Variants in CNTNAP2 observed in about 807,000 individuals in gnomAD.
The protein encoded by CNTNAP2 is contactin-associated protein-like 2.
Under a neutral mutation model 155.2 loss-of-function variants are expected in CNTNAP2, and 98 were observed. The ratio of observed to expected loss-of-function variants is 0.63; its 90% CI spans 0.54 to 0.75. CNTNAP2 has a LOEUF of 0.75. CNTNAP2 is among the 30% of genes least tolerant of loss of function. The probability of loss-of-function intolerance (pLI) is 0.00; values close to 1 mark genes in which losing one functional copy is unlikely to be tolerated. For missense variants in CNTNAP2, 1,727 were observed against 1,688.1 expected (o/e 1.02, Z -0.40); for synonymous variants, 651 against 631.2 (o/e 1.03, Z -0.47).
intron 15 of CNTNAP2, among the ~76,000 whole-genome samples, chr7:148,084,421 A>T (rs1563193927): frequency 6.6e-6 from 1 of 152,198 alleles, no homozygotes; most frequent in South Asian, 2.1e-4. Flanking sequence ...GCAGAATGTC[A>T]CAGGTCGGAA....
chr7:147,370,751 A>C (rs971323305), intron 9 of CNTNAP2, among the ~76,000 whole-genome samples: 1 of 152,178 alleles, frequency 6.6e-6, no homozygotes, highest in Non-Finnish European at 1.5e-5. Flanking sequence ...CCAATGTTCT[A>C]TTAGATGAGA....
intron 13 of CNTNAP2, among the ~76,000 whole-genome samples, chr7:147,734,678 T>C (rs1368329418): frequency 6.6e-6 from 1 of 152,180 alleles, no homozygotes; most frequent in Non-Finnish European, 1.5e-5. Flanking sequence ...CTATTAATTA[T>C]TGCCTCACTT....
At chr7:146,332,518 TTATC>T (rs1245914603) in intron 1 of CNTNAP2, among the ~76,000 whole-genome samples, 7 of 152,198 alleles carry the variant, frequency 4.6e-5, no homozygotes, top group Non-Finnish European at 1.0e-4. Flanking sequence ...TCTGATTTAT[TTATC>T]TAGTCAATCC....
intron 10 of CNTNAP2, among the ~76,000 whole-genome samples, chr7:147,483,648 G>A (rs1363096724): frequency 6.6e-6 from 1 of 152,044 alleles, no homozygotes; most frequent in Non-Finnish European, 1.5e-5. Context: ...ATATTAACCC[G>A]CAATAATTTA....
At chr7:147,587,590 G>A (rs935153264) in intron 12 of CNTNAP2, among the ~76,000 whole-genome samples, 3 of 152,160 alleles carry the variant, frequency 2.0e-5, no homozygotes. Context: ...CATGCTTATA[G>A]AGTTGGAAGT....
At chr7:147,818,772 TAAAA>T (rs772370551) in intron 13 of CNTNAP2, among the ~76,000 whole-genome samples, 41 of 152,286 alleles carry the variant, frequency 2.7e-4, no homozygotes, top group Non-Finnish European at 5.1e-4. Flanking sequence ...TTTGCAGCCT[TAAAA>T]AATAAAAAGA....
intron 1 of CNTNAP2, among the ~76,000 whole-genome samples, chr7:146,496,672 C>T (rs1179344163): frequency 1.3e-5 from 2 of 151,966 alleles, no homozygotes; most frequent in African/African-American, 2.4e-5. Flanking sequence ...TCTTTTTTTT[C>T]CCATATCAAG....
At chr7:147,711,796 A>G (rs188016461) in intron 13 of CNTNAP2, among the ~76,000 whole-genome samples, 1 of 152,214 alleles carries the variant, frequency 6.6e-6, no homozygotes, top group African/African-American at 2.4e-5. Context: ...GTTCTGCAAC[A>G]TAAATACTGT....
rs143428087 is a variant in CNTNAP2 at position 146,913,193 on chromosome 7, G to A, written c.402+73289G>A. 1.4e-3 allele frequency among the ~76,000 whole-genome samples: 219 copies of A among 152,224 alleles called. 3 individuals are homozygous for A. The highest frequency in any genetic ancestry group is 3.4e-3 in the Middle Eastern group (1 of 294). On this transcript the variant is annotated intron_variant, in intron 3 of 23. Coordinates refer to ENST00000361727, the MANE Select transcript of CNTNAP2 (RefSeq NM_014141.6). ...GCGGGTCTTTTCAGAAGCGCATAGG[G>A]AATATGTAGGATTCCCTAGGTACTA...
intron 1 of CNTNAP2, among the ~76,000 whole-genome samples, chr7:146,352,908 C>G (rs938145281): frequency 1.3e-5 from 2 of 150,600 alleles, no homozygotes; most frequent in Non-Finnish European, 2.9e-5. Flanking sequence ...GCACCCGCCA[C>G]CACGCCCGGC....
chr7:147,715,545 G>C (rs944466962), intron 13 of CNTNAP2, among the ~76,000 whole-genome samples: 1 of 151,774 alleles, frequency 6.6e-6, no homozygotes. Context: ...TAATTTTATG[G>C]GGTTTTTTTA....
At chr7:146,861,670 T>C (rs1482107986) in intron 3 of CNTNAP2, among the ~76,000 whole-genome samples, 1 of 152,114 alleles carries the variant, frequency 6.6e-6, no homozygotes, top group African/African-American at 2.4e-5. Flanking sequence ...TTCAGTGAGA[T>C]AGGTCTACAA....
chr7:148,301,103 G>A (rs938033232), intron 21 of CNTNAP2, among the ~76,000 whole-genome samples: 18 of 151,970 alleles, frequency 1.2e-4, no homozygotes, highest in African/African-American at 4.4e-4. Context: ...AGACCAGCCT[G>A]ACTAACATGG....
chr7:148,229,009 T>C (rs906642931), intron 19 of CNTNAP2, among the ~76,000 whole-genome samples: 2 of 152,160 alleles, frequency 1.3e-5, no homozygotes, highest in African/African-American at 4.8e-5. Context: ...ATATTGTATA[T>C]GCTCTCATTC....
At chr7:147,804,949 G>A (rs1798066205) in intron 13 of CNTNAP2, among the ~76,000 whole-genome samples, 2 of 152,120 alleles carry the variant, frequency 1.3e-5, no homozygotes, top group Admixed American at 1.3e-4. Context: ...TGAGCATCAG[G>A]GCACTTGTCT....
At chr7:146,488,442 C>A (rs2129130568) in intron 1 of CNTNAP2, among the ~76,000 whole-genome samples, 1 of 151,868 alleles carries the variant, frequency 6.6e-6, no homozygotes, top group East Asian at 1.9e-4. Flanking sequence ...TGTGTGAAAT[C>A]AGGACTCTGT....
rs1445196738 is a variant in CNTNAP2, at chr7:148,247,654, TA to T, written c.3381+17876del. 6.9e-3 allele frequency among the ~76,000 whole-genome samples: 1,011 copies of T among 146,290 alleles called. 29 individuals are homozygous for T. The highest frequency in any genetic ancestry group is 0.012 in the African/African-American group (476 of 39,620). ...TTATTTATTTATTTATTTATTTATT[TA>T]TTTATTTATTTTTTTGGAGATAGAG... On this transcript the variant is annotated intron_variant, in intron 20 of 23. Transcript: ENST00000361727.
At chr7:146,949,383 A>G (rs1341151451) in intron 3 of CNTNAP2, among the ~76,000 whole-genome samples, 1 of 152,078 alleles carries the variant, frequency 6.6e-6, no homozygotes, top group Non-Finnish European at 1.5e-5. Flanking sequence ...TTCAGATTCT[A>G]TTTTTATAGT....
intron 1 of CNTNAP2, among the ~76,000 whole-genome samples, chr7:146,155,084 A>G (rs1425780300): frequency 6.6e-6 from 1 of 152,198 alleles, no homozygotes; most frequent in Non-Finnish European, 1.5e-5. Context: ...TAGTACTACC[A>G]TTTCACAGAT....
Sources: allele counts gnomAD v4.1 joint callset (sites outside exome capture counted in the v4.1 genomes callset), GRCh38; gene constraint gnomAD v4.1.1; transcripts MANE v1.5; gene names NCBI Gene and HGNC (gene_info 2026-07-23, HGNC 2026-07-21).